The following PIEZO2 variants were observed in gnomAD, a reference collection of about 807,000 sequenced individuals.
PIEZO2 encodes piezo-type mechanosensitive ion channel component 2.
PIEZO2 carries 172 observed loss-of-function variants against 337.3 expected under a neutral mutation model. The observed-to-expected ratio is 0.51, with a 90% confidence interval of 0.45 to 0.58. The LOEUF (loss-of-function observed/expected upper bound fraction) is 0.58, where lower values mean the gene tolerates loss of function less well. PIEZO2 is among the 20% of genes least tolerant of loss of function. PIEZO2 has a pLI of 0.00. For missense variants in PIEZO2, 3,028 were observed against 3,391.3 expected (o/e 0.89, Z 2.66); for synonymous variants, 1,251 against 1,228.5 (o/e 1.02, Z -0.38).
Position 10,726,596 on chromosome 18 carries a change from C to T in PIEZO2, c.5029+4811G>A. On this transcript the variant is annotated intron_variant, in intron 36 of 55. Coordinates refer to ENST00000674853, the MANE Select transcript of PIEZO2 (RefSeq NM_001378183.1). The surrounding 1 kb of genome is among the most constrained non-coding windows in gnomAD (Gnocchi z 5.9). ...TTCCGCCAGCTCTTCCAGGACCTGGCGCGCTACGTGCGGGACGCCGACGTG... is the reference window on the plus strand; with the variant it reads ...TTCCGCCAGCTCTTCCAGGACCTGGTGCGCTACGTGCGGGACGCCGACGTG... The T allele has an allele frequency of 1.5e-6, 2 of 1,371,244 alleles. No homozygotes were observed. The highest frequency in any genetic ancestry group is 2.7e-5 in the East Asian group (1 of 37,342). The allele number at this position is 1,371,244 out of a possible 1,614,324, so 84.9% of individuals were successfully genotyped here.
intron 3 of PIEZO2, among the ~76,000 whole-genome samples, chr18:10,963,128 T>C (rs1034842124): frequency 3.3e-5 from 5 of 151,910 alleles, no homozygotes; most frequent in Admixed American, 6.6e-5. Context: ...CTACTAAAAA[T>C]ACAAAAATTA....
chr18:10,981,772 G>A (rs560040048), intron 2 of PIEZO2, among the ~76,000 whole-genome samples: 2 of 152,328 alleles, frequency 1.3e-5, no homozygotes, highest in Admixed American at 1.3e-4. Flanking sequence ...ATAAAAGCAG[G>A]CAGAGGAATG....
intron 35 of PIEZO2, among the ~76,000 whole-genome samples, chr18:10,732,037 C>T (rs1294090489): frequency 2.0e-5 from 3 of 151,764 alleles, no homozygotes; most frequent in African/African-American, 7.3e-5. Flanking sequence ...TAGTACTTTG[C>T]GAGGAAAAAA....
intron 1 of PIEZO2, among the ~76,000 whole-genome samples, chr18:11,093,373 A>C (rs1171950087): frequency 6.6e-6 from 1 of 151,572 alleles, no homozygotes; most frequent in Non-Finnish European, 1.5e-5. Context: ...GAAACAAACA[A>C]TAACAATATA....
At position 10,677,002 on chromosome 18, in the gene PIEZO2, C is replaced by T. The variant is rs2034037730; in HGVS notation, c.8081+745G>A. On this transcript the variant is annotated intron_variant, in intron 53 of 55. Transcript: ENST00000674853. The surrounding 1 kb of genome is among the most constrained non-coding windows in gnomAD (Gnocchi z 4.1). ...CCAGGTGGACCTGCCAGAGCTCCCACACCTCCAAATCGCATGAGAATCAGC... is the reference window on the plus strand; with the variant it reads ...CCAGGTGGACCTGCCAGAGCTCCCATACCTCCAAATCGCATGAGAATCAGC... Among the ~76,000 whole-genome samples, 1 of 152,190 alleles carries T rather than the reference C, an allele frequency of 6.6e-6. No individual in the cohort carries two copies.
chr18:10,858,008 T>TC (rs201375159), intron 5 of PIEZO2, among the ~76,000 whole-genome samples: 40,280 of 147,694 alleles, frequency 0.27, 5,398 homozygotes, highest in African/African-American at 0.32. Flanking sequence ...TTTCTTTCTT[T>TC]TTTTTTTTTT....
chr18:10,844,516 C>T (rs958451260), intron 7 of PIEZO2, among the ~76,000 whole-genome samples: 16 of 151,578 alleles, frequency 1.1e-4, no homozygotes, highest in South Asian at 1.0e-3. Context: ...TGGCCGGGCA[C>T]GGTGGCTCAC....
intron 3 of PIEZO2, among the ~76,000 whole-genome samples, chr18:10,911,807 A>G (rs2030508132): frequency 6.6e-6 from 1 of 151,828 alleles, no homozygotes. Flanking sequence ...TATGCATGTG[A>G]CAGAACTCTC....
At chr18:10,996,380 T>A (rs2035320434) in intron 2 of PIEZO2, among the ~76,000 whole-genome samples, 1 of 152,232 alleles carries the variant, frequency 6.6e-6, no homozygotes, top group Non-Finnish European at 1.5e-5. Context: ...AAAAAATAGA[T>A]CATTTCAAGT....
At chr18:10,898,858 G>A (rs1487881155) in intron 4 of PIEZO2, among the ~76,000 whole-genome samples, 1 of 152,112 alleles carries the variant, frequency 6.6e-6, no homozygotes, top group Non-Finnish European at 1.5e-5. Context: ...TCAAGGAGTG[G>A]GGTGGGGGCT....
intron 4 of PIEZO2, among the ~76,000 whole-genome samples, chr18:10,876,157 G>A (rs909648039): frequency 2.0e-5 from 3 of 152,176 alleles, no homozygotes; most frequent in East Asian, 1.9e-4. Flanking sequence ...ACTAAAGTAC[G>A]TTCATCAGAA....
chr18:10,895,229 T>G lies in PIEZO2; in HGVS notation c.329+15957A>C, dbSNP rs2042863436. On this transcript the variant is annotated intron_variant, in intron 4 of 55. Transcript: ENST00000674853. This position sits in a 1 kb window ranked among gnomAD's most constrained non-coding sequence, Gnocchi z 4.8. ...GGGAGGCCAAGGTGGGTGGATCACT[T>G]GAGGTCAGGAGATCGAGACCAGCCT... 2.0e-5 allele frequency among the ~76,000 whole-genome samples: 3 copies of G among 152,104 alleles called. No individual in the cohort carries two copies. The highest frequency in any genetic ancestry group is 7.2e-5 in the African/African-American group (3 of 41,440).
chr18:10,956,694 G>T (rs763810718), intron 3 of PIEZO2, among the ~76,000 whole-genome samples: 2 of 152,252 alleles, frequency 1.3e-5, no homozygotes, highest in African/African-American at 4.8e-5. Flanking sequence ...ATCCAGGCCA[G>T]GCGCAGTGGC....
chr18:11,034,733 T>C (rs2036863722), intron 2 of PIEZO2, among the ~76,000 whole-genome samples: 1 of 152,196 alleles, frequency 6.6e-6, no homozygotes, highest in Admixed American at 6.5e-5. Flanking sequence ...TAGTCCCAGC[T>C]ACTCGGGAGA....
chr18:10,677,232 T>G lies in PIEZO2; in HGVS notation c.8081+515A>C, dbSNP rs1027294234. Among the ~76,000 whole-genome samples the G allele has an allele frequency of 2.0e-5, 3 of 152,168 alleles. No homozygotes were observed. Among genetic ancestry groups the G allele is most frequent in the African/African-American group, 7.2e-5 (3 of 41,426 alleles). ...TGTTTTTTATTATTTATTTATTTAT[T>G]TTTGAAATGGAGTCTCACTCTGTTG... On this transcript the variant is annotated intron_variant, in intron 53 of 55. Coordinates refer to ENST00000674853, the MANE Select transcript of PIEZO2 (RefSeq NM_001378183.1). The surrounding 1 kb of genome is among the most constrained non-coding windows in gnomAD (Gnocchi z 4.1).
rs2036577448 is a variant in PIEZO2, at chr18:11,027,417, A to T, written c.160+38710T>A. ...GGGGGCACGCTGAGGTGCGCTAGGA[A>T]TAAGGTACAAGAGGTTAAAAAGAAA... On this transcript the variant is annotated intron_variant, in intron 2 of 55. Transcript: ENST00000674853. This position sits in a 1 kb window ranked among gnomAD's most constrained non-coding sequence, Gnocchi z 4.2. Among the ~76,000 whole-genome samples the T allele has an allele frequency of 6.6e-6, 1 of 152,216 alleles. No homozygotes were observed. Among genetic ancestry groups the T allele is most frequent in the African/African-American group, 2.4e-5 (1 of 41,456 alleles).
chr18:10,785,823 A>C (rs1239095776), intron 16 of PIEZO2, among the ~76,000 whole-genome samples: 5 of 152,102 alleles, frequency 3.3e-5, no homozygotes, highest in Non-Finnish European at 5.9e-5. Context: ...ACTCCCACAC[A>C]TCGCTTTTTC....
intron 7 of PIEZO2, among the ~76,000 whole-genome samples, chr18:10,822,907 C>A (rs1009361546): frequency 6.6e-6 from 1 of 152,122 alleles, no homozygotes; most frequent in Admixed American, 6.6e-5. Flanking sequence ...GAAAAATCAG[C>A]GGCTCAACAA....
chr18:11,056,029 T>C (rs2037722643), intron 2 of PIEZO2, among the ~76,000 whole-genome samples: 2 of 152,134 alleles, frequency 1.3e-5, no homozygotes, highest in Non-Finnish European at 1.5e-5. Flanking sequence ...TATGGGGCAA[T>C]TCCCTTGCAG....
Sources: allele counts gnomAD v4.1 joint callset (sites outside exome capture counted in the v4.1 genomes callset), GRCh38; gene constraint gnomAD v4.1.1; non-coding constraint Gnocchi (gnomAD v3.1); transcripts MANE v1.5; gene names NCBI Gene and HGNC (gene_info 2026-07-23, HGNC 2026-07-21).